The following TCERG1L variants were observed in gnomAD, a reference collection of about 807,000 sequenced individuals.
TCERG1L encodes the protein transcription elongation regulator 1 like.
In TCERG1L, 37 loss-of-function variants were observed where a neutral mutation model predicts 56.3. That is an observed-to-expected ratio of 0.66 (90% confidence interval 0.51 to 0.87). The LOEUF is 0.87. TCERG1L is among the 40% of genes least tolerant of loss of function. TCERG1L has a pLI of 0.00. For synonymous variants in TCERG1L, 324 were observed against 326.3 expected (o/e 0.99, Z 0.08); for missense variants, 799 against 774.2 (o/e 1.03, Z -0.38).
intron 6 of TCERG1L, 47 bp from the exon 7 acceptor site, chr10:131,146,707 A>G (rs371423767): frequency 6.6e-5 from 103 of 1,562,674 alleles, no homozygotes; most frequent in Non-Finnish European, 7.9e-5. Flanking sequence ...GAGACACTTA[A>G]TTAGAAAGTC....
chr10:131,263,648 G>C (rs1044765808), intron 3 of TCERG1L, among the ~76,000 whole-genome samples: 1 of 152,184 alleles, frequency 6.6e-6, no homozygotes, highest in Non-Finnish European at 1.5e-5. Context: ...AGATAACGAC[G>C]ACATAAACAA....
chr10:131,297,296 A>G (rs1303924112), intron 3 of TCERG1L, among the ~76,000 whole-genome samples: 1 of 152,168 alleles, frequency 6.6e-6, no homozygotes, highest in Non-Finnish European at 1.5e-5. Context: ...ATGGATGGTG[A>G]ATTTGACAAA....
intron 8 of TCERG1L, among the ~76,000 whole-genome samples, chr10:131,129,640 G>A (rs556003193): frequency 2.6e-4 from 40 of 152,146 alleles, no homozygotes; most frequent in Admixed American, 9.8e-4. Flanking sequence ...ACCATCTTAC[G>A]CCACCTATCT....
intron 11 of TCERG1L, among the ~76,000 whole-genome samples, chr10:131,097,766 A>C (rs1449107744): frequency 6.6e-6 from 1 of 152,204 alleles, no homozygotes; most frequent in Non-Finnish European, 1.5e-5. Flanking sequence ...ATTTCATGGA[A>C]ATAATGCCTC....
chr10:131,179,066 C>T (rs888802763), intron 4 of TCERG1L, among the ~76,000 whole-genome samples: 1 of 152,170 alleles, frequency 6.6e-6, no homozygotes, highest in African/African-American at 2.4e-5. Context: ...GAGCCCGCGT[C>T]GGCACCATGC....
chr10:131,106,665 G>A (rs563759720), intron 9 of TCERG1L, among the ~76,000 whole-genome samples: 28 of 152,206 alleles, frequency 1.8e-4, no homozygotes, highest in South Asian at 4.1e-4. Context: ...CAGATGGGGC[G>A]TACGTTTGAG....
At position 131,166,859 on chromosome 10, in the gene TCERG1L, C is replaced by G. The variant is rs202205724; in HGVS notation, c.883G>C (p.Ala295Pro). Residue 295 changes from alanine (A) to proline (P), a missense_variant, in exon 5 of 12, where the codon GCC (alanine) becomes CCC (proline). Coordinates refer to ENST00000368642, the MANE Select transcript of TCERG1L (RefSeq NM_174937.4). ...SDTRTERGRV[A>P]RPPALMLRAQ... ...CGCAGCATCAGGGCAGGAGGGCGGG[C>G]CACTCGGCCCCGCTCTGTCCTTGTA... 1 of 1,613,084 alleles carries G rather than the reference C, an allele frequency of 6.2e-7. No homozygotes were observed. The highest frequency in any genetic ancestry group is 1.1e-5 in the South Asian group (1 of 91,058).
chr10:131,259,560 C>T (rs912760475), intron 4 of TCERG1L, among the ~76,000 whole-genome samples: 9 of 152,170 alleles, frequency 5.9e-5, no homozygotes, highest in Non-Finnish European at 1.2e-4. Flanking sequence ...CCTGTGAACA[C>T]GCAGGGACAA....
Position 131,214,081 on chromosome 10 carries a change from T to TAA in TCERG1L, c.856+46176_856+46177dup, listed in dbSNP as rs1845645244. 6.6e-5 allele frequency among the ~76,000 whole-genome samples: 10 copies of TAA among 152,196 alleles called. No individual in the cohort carries two copies. In the South Asian group the frequency reaches 2.1e-3, roughly 32 times the overall value. ...ACACACGCACAACAGTTACAATGAC[T>TAA]AACTGGGCAGTCATTTATGAATTCA... On this transcript the variant is annotated intron_variant, in intron 4 of 11. Transcript: ENST00000368642.
At chr10:131,256,983 AGGAAG>A (rs1846171567) in intron 4 of TCERG1L, among the ~76,000 whole-genome samples, 1 of 89,976 alleles carries the variant, frequency 1.1e-5, no homozygotes, top group Non-Finnish European at 2.5e-5. Flanking sequence ...GAAGGAAGGA[AGGAAG>A]GAAGGAAAGA....
intron 4 of TCERG1L, among the ~76,000 whole-genome samples, chr10:131,209,167 C>T (rs1216795814): frequency 1.3e-5 from 2 of 152,028 alleles, no homozygotes; most frequent in African/African-American, 4.8e-5. Flanking sequence ...TAGGGAACAT[C>T]AGTGAATTCT....
intron 4 of TCERG1L, among the ~76,000 whole-genome samples, chr10:131,212,283 T>C (rs762237193): frequency 6.6e-6 from 1 of 152,216 alleles, no homozygotes; most frequent in Non-Finnish European, 1.5e-5. Flanking sequence ...TGCAAGGCTG[T>C]GACACAAAGG....
intron 3 of TCERG1L, among the ~76,000 whole-genome samples, chr10:131,300,101 TTTGC>T (rs1846744065): frequency 6.6e-6 from 1 of 152,182 alleles, no homozygotes; most frequent in African/African-American, 2.4e-5. Flanking sequence ...TCAGCTTTTG[TTTGC>T]TTGTTAAAAA....
intron 3 of TCERG1L, among the ~76,000 whole-genome samples, chr10:131,261,017 G>A (rs1482195700): frequency 6.6e-6 from 1 of 152,056 alleles, no homozygotes; most frequent in African/African-American, 2.4e-5. Context: ...GGTTTCCAGA[G>A]GGCACCAGGC....
chr10:131,104,437 C>G (rs1425185595), intron 9 of TCERG1L, 83 bp from the exon 10 acceptor site: 2 of 886,212 alleles, frequency 2.3e-6, no homozygotes, highest in Non-Finnish European at 3.6e-6. Context: ...CAGTTAAAAA[C>G]AAATGAACAA....
At chr10:131,121,758 AG>A (rs984207547) in intron 8 of TCERG1L, among the ~76,000 whole-genome samples, 17 of 151,336 alleles carry the variant, frequency 1.1e-4, no homozygotes, top group African/African-American at 4.1e-4. Context: ...CTCAGTCTGC[AG>A]GTGCCAGGTC....
At chr10:131,268,246 T>C (rs1417058126) in intron 3 of TCERG1L, among the ~76,000 whole-genome samples, 1 of 152,232 alleles carries the variant, frequency 6.6e-6, no homozygotes, top group African/African-American at 2.4e-5. Flanking sequence ...GCTGCTGCCA[T>C]TCATAATATT....
At chr10:131,271,299 C>T (rs570699137) in intron 3 of TCERG1L, among the ~76,000 whole-genome samples, 5 of 152,352 alleles carry the variant, frequency 3.3e-5, no homozygotes, top group Admixed American at 2.0e-4. Flanking sequence ...CCAAGCCCCA[C>T]TGTGCCGGCT....
At chr10:131,136,806 A>C (rs181029778) in intron 7 of TCERG1L, among the ~76,000 whole-genome samples, 57 of 150,972 alleles carry the variant, frequency 3.8e-4, no homozygotes, top group African/African-American at 1.3e-3. Flanking sequence ...ACCTCCAGGC[A>C]TTTCTACTTC....
Sources: allele counts gnomAD v4.1 joint callset (sites outside exome capture counted in the v4.1 genomes callset), GRCh38; gene constraint gnomAD v4.1.1; transcripts MANE v1.5; gene names NCBI Gene and HGNC (gene_info 2026-07-23, HGNC 2026-07-21).